The following METTL15 variants were observed in gnomAD, a reference collection of about 807,000 sequenced individuals.
METTL15 encodes the protein 12S rRNA N(4)-cytidine methyltransferase METTL15.
Under a neutral mutation model 38.3 loss-of-function variants are expected in METTL15, and 34 were observed. The ratio of observed to expected loss-of-function variants is 0.89; its 90% CI spans 0.68 to 1.18. METTL15 has a LOEUF of 1.18. METTL15 is among the 50% of genes most tolerant of loss of function. The probability of loss-of-function intolerance (pLI) is 0.00; values close to 1 mark genes in which losing one functional copy is unlikely to be tolerated. For synonymous variants in METTL15, 162 were observed against 170.9 expected, an observed-to-expected ratio of 0.95 and a Z score of 0.41; for missense variants, 438 against 498.4, an observed-to-expected ratio of 0.88 and a Z score of 1.15.
intron 4 of METTL15, among the ~76,000 whole-genome samples, chr11:28,211,477 G>C (rs1017422607): frequency 1.3e-5 from 2 of 151,990 alleles, no homozygotes; most frequent in East Asian, 1.9e-4. Context: ...CAAAAAATGA[G>C]TTTTGACAAT....
chr11:28,372,104 G>C (rs1035885651), intron 5 of METTL15, among the ~76,000 whole-genome samples: 1 of 151,938 alleles, frequency 6.6e-6, no homozygotes, highest in Non-Finnish European at 1.5e-5. Context: ...TCCCTGTTCA[G>C]TACAATGTTA....
chr11:28,202,713 C>T (rs1312105295), intron 3 of METTL15, among the ~76,000 whole-genome samples: 1 of 152,012 alleles, frequency 6.6e-6, no homozygotes, highest in African/African-American at 2.4e-5. Flanking sequence ...TTTTCAAAAG[C>T]ACTTCAATTC....
chr11:28,317,293 C>T (rs1857514144), intron 6 of METTL15, among the ~76,000 whole-genome samples: 1 of 152,030 alleles, frequency 6.6e-6, no homozygotes, highest in African/African-American at 2.4e-5. Context: ...TTCAAGTTCA[C>T]AGATTTTAAT....
intron 5 of METTL15, among the ~76,000 whole-genome samples, chr11:28,411,202 C>G (rs781597542): frequency 6.6e-6 from 1 of 151,780 alleles, no homozygotes; most frequent in Non-Finnish European, 1.5e-5. Flanking sequence ...AACATAATCG[C>G]CATCAAAATT....
At chr11:28,345,038 C>G (rs1050708969) in intron 3 of METTL15, among the ~76,000 whole-genome samples, 3 of 152,182 alleles carry the variant, frequency 2.0e-5, no homozygotes, top group Non-Finnish European at 4.4e-5. Context: ...CAGCACATCT[C>G]AATTTGGACT....
intron 4 of METTL15, among the ~76,000 whole-genome samples, chr11:28,361,520 A>G (rs1850138529): frequency 6.6e-6 from 1 of 152,196 alleles, no homozygotes; most frequent in East Asian, 1.9e-4. Context: ...TTTCTCAAAA[A>G]TAAAAAAGAA....
intron 5 of METTL15, among the ~76,000 whole-genome samples, chr11:28,292,035 G>T (rs949694854): frequency 4.0e-5 from 6 of 151,644 alleles, no homozygotes; most frequent in Admixed American, 2.0e-4. Flanking sequence ...TTTTTTTTAG[G>T]AGAATACATT....
At position 28,209,007 on chromosome 11, in the gene METTL15, G is replaced by T. The variant is rs114680013; in HGVS notation, c.271-2055G>T. Among the ~76,000 whole-genome samples, 585 of 151,964 alleles carry T rather than the reference G, an allele frequency of 3.8e-3. 6 individuals are homozygous for T. The highest frequency in any genetic ancestry group is 0.013 in the African/African-American group (551 of 41,494). ...TTGTCTGCCACTTTTTGGTTTCTGT[G>T]TTACACTTGACTGGTAGTAATAGAT... On this transcript the variant is annotated intron_variant, in intron 3 of 6. Coordinates refer to ENST00000407364, the MANE Select transcript of METTL15 (RefSeq NM_001113528.2).
intron 6 of METTL15, among the ~76,000 whole-genome samples, chr11:28,306,018 A>G (rs1056242140): frequency 2.0e-5 from 3 of 152,148 alleles, no homozygotes; most frequent in Admixed American, 6.6e-5. Context: ...AGGACCTAAT[A>G]TAATTCCAAA....
At chr11:28,494,857 A>G (rs1285806588) in intron 6 of METTL15, among the ~76,000 whole-genome samples, 3 of 152,216 alleles carry the variant, frequency 2.0e-5, no homozygotes, top group Non-Finnish European at 2.9e-5. Flanking sequence ...CTGGGAGTCA[A>G]TTAAGCCTAT....
intron 3 of METTL15, among the ~76,000 whole-genome samples, chr11:28,150,679 G>T (rs1321487508): frequency 2.0e-5 from 3 of 151,858 alleles, no homozygotes; most frequent in African/African-American, 7.2e-5. Flanking sequence ...AAAGGAAAGA[G>T]CTTTGTTGCT....
intron 5 of METTL15, among the ~76,000 whole-genome samples, chr11:28,294,021 C>T (rs983096247): frequency 1.3e-5 from 2 of 152,148 alleles, no homozygotes; most frequent in Non-Finnish European, 2.9e-5. Flanking sequence ...ATTTGACTTC[C>T]TCTTTTCCTA....
intron 3 of METTL15, 128 bp from the exon 4 acceptor site, chr11:28,210,934 C>T (rs538223729): frequency 2.1e-5 from 21 of 986,544 alleles, no homozygotes; most frequent in South Asian, 1.4e-4. Flanking sequence ...ATAGGCACAA[C>T]GATTGTAATT....
chr11:28,111,769 G>T (rs1011121750), intron 2 of METTL15, among the ~76,000 whole-genome samples: 5 of 152,190 alleles, frequency 3.3e-5, no homozygotes, highest in South Asian at 4.1e-4. Context: ...ATGTAGTGTG[G>T]TTATAATAGT....
chr11:28,287,206 C>T, intron 4 of METTL15: 3 of 176,528 alleles, frequency 1.7e-5, no homozygotes, highest in South Asian at 7.2e-5. Context: ...GTTCATGAGG[C>T]ATTTTATTTG....
chr11:28,488,396 C>T (rs538863746), intron 6 of METTL15, among the ~76,000 whole-genome samples: 1 of 152,158 alleles, frequency 6.6e-6, no homozygotes, highest in South Asian at 2.1e-4. Context: ...AATAACACAA[C>T]TCAGTTTTAT....
intron 4 of METTL15, among the ~76,000 whole-genome samples, chr11:28,235,868 C>T (rs1853936974): frequency 6.6e-6 from 1 of 152,158 alleles, no homozygotes; most frequent in Admixed American, 6.5e-5. Context: ...TGAGAGAGGG[C>T]ATCCGTGTCT....
intron 3 of METTL15, among the ~76,000 whole-genome samples, chr11:28,156,056 A>G (rs538637231): frequency 6.6e-6 from 1 of 152,260 alleles, no homozygotes; most frequent in South Asian, 2.1e-4. Context: ...CTTCTTTAAG[A>G]TTAATATTTT....
At chr11:28,120,877 TTC>T in intron 3 of METTL15, among the ~76,000 whole-genome samples, 1 of 152,286 alleles carries the variant, frequency 6.6e-6, no homozygotes, top group South Asian at 2.1e-4. Flanking sequence ...TTCTCCTTTT[TTC>T]TTTTTTTAAA....
Sources: allele counts gnomAD v4.1 joint callset (sites outside exome capture counted in the v4.1 genomes callset), GRCh38; gene constraint gnomAD v4.1.1; transcripts MANE v1.5; gene names NCBI Gene and HGNC (gene_info 2026-07-23, HGNC 2026-07-21).